Variants in C3orf85 observed in about 807,000 individuals in gnomAD.
C3orf85 encodes chromosome 3 open reading frame 85.
In C3orf85, 1 loss-of-function variant was observed where a neutral mutation model predicts 1.7. The ratio of observed to expected loss-of-function variants is 0.60; its 90% confidence interval spans 0.21 to 2.86. The LOEUF is 2.86. Ranked by LOEUF, C3orf85 falls within the 30% of genes most tolerant of loss-of-function variation. C3orf85 has a pLI of 0.22. For missense variants in C3orf85, 29 were observed against 21.3 expected (o/e 1.36, Z -0.72); for synonymous variants, 17 against 8.0 (o/e 2.13, Z -1.90).
At chr3:109,137,070 CTG>C (rs3054419) in intron 2 of C3orf85, among the ~76,000 whole-genome samples, 174 bp downstream of exon 2, 72 of 149,854 alleles carry the variant, frequency 4.8e-4, no homozygotes, top group East Asian at 1.4e-3. Flanking sequence ...TTAATGTTAA[CTG>C]TGTGTGTGTG....
At chr3:109,145,932 C>T (rs561843303) in intron 2 of C3orf85, among the ~76,000 whole-genome samples, 1 of 152,308 alleles carries the variant, frequency 6.6e-6, no homozygotes, top group South Asian at 2.1e-4. Flanking sequence ...AATACATGCG[C>T]TTTGCTTCCA....
intron 2 of C3orf85, chr3:109,146,301 T>A (rs938031895): frequency 6.6e-6 from 1 of 152,202 alleles, no homozygotes; most frequent in Non-Finnish European, 1.5e-5. Context: ...CTCACTTGCC[T>A]CAACCTAGTC....
intron 2 of C3orf85, among the ~76,000 whole-genome samples, chr3:109,139,681 A>G (rs77287247): frequency 0.017 from 2,522 of 152,260 alleles, 69 homozygotes; most frequent in African/African-American, 0.057. Context: ...TCTCCTGATC[A>G]GATTTGGCAG....
At chr3:109,137,637 G>GTGTGTGTATATATATATATATATA (rs751674362) in intron 2 of C3orf85, among the ~76,000 whole-genome samples, 3 of 79,896 alleles carry the variant, frequency 3.8e-5, no homozygotes, top group Non-Finnish European at 7.9e-5. Context: ...GTGTGTGTGT[G>GTGTGTGTATATATATATATATATA]TATATATATA....
At chr3:109,137,670 A>ATATATAT (rs1706695402) in intron 2 of C3orf85, among the ~76,000 whole-genome samples, 2 of 59,294 alleles carry the variant, frequency 3.4e-5, no homozygotes, top group Non-Finnish European at 4.8e-5. Flanking sequence ...TATATATATA[A>ATATATAT]AATAAGCCTT....
intron 2 of C3orf85, among the ~76,000 whole-genome samples, chr3:109,139,699 T>G (rs1398597042): frequency 6.6e-6 from 1 of 152,204 alleles, no homozygotes; most frequent in Non-Finnish European, 1.5e-5. Flanking sequence ...CAGCTGGAGT[T>G]GACCCATACA....
intron 2 of C3orf85, among the ~76,000 whole-genome samples, chr3:109,141,461 T>C (rs1394884804): frequency 6.6e-6 from 1 of 152,202 alleles, no homozygotes; most frequent in Non-Finnish European, 1.5e-5. Context: ...CATTTTTCTA[T>C]CTTTCCTTTG....
intron 2 of C3orf85, among the ~76,000 whole-genome samples, chr3:109,142,379 C>G (rs1187922917): frequency 6.6e-6 from 1 of 152,118 alleles, no homozygotes; most frequent in Non-Finnish European, 1.5e-5. Flanking sequence ...GGTACTTATG[C>G]TGAGTGCTAA....
chr3:109,137,383 A>G (rs1706689494), intron 2 of C3orf85, among the ~76,000 whole-genome samples: 1 of 151,968 alleles, frequency 6.6e-6, no homozygotes, highest in Admixed American at 6.6e-5. Flanking sequence ...CCGGTAACTC[A>G]GTGGCTTCTA....
Position 109,148,375 on chromosome 3 carries a change from C to T in C3orf85, c.172C>T (p.Leu58=). The change falls in exon 3 of 4, where the codon CTG becomes TTG. Residue 58 remains leucine (L), a synonymous_variant. Coordinates refer to ENST00000622536, the MANE Select transcript of C3orf85 (RefSeq NM_001351622.2). ...CAGTTCAGATGTGTGGGTAAACACA[C>T]TGGCTAAGCAGGTATTTGTATTAGA... is the stretch of plus-strand genomic sequence containing the variant. ...DHSSDVWVNT[L]AKQARETWIA... is the part of the protein sequence containing the mutation. The T allele has an allele frequency of 1.4e-6, 1 of 702,652 alleles. No homozygotes were observed. The highest frequency in any genetic ancestry group is 2.6e-6 in the Non-Finnish European group (1 of 384,718). 43.5% of individuals were successfully genotyped at this position (702,652 alleles called of 1,614,324 possible). A position where few individuals can be genotyped will look rare whatever the true frequency, so the allele number is the denominator to read the frequency against.
chr3:109,144,423 C>A (rs200572117), intron 2 of C3orf85, among the ~76,000 whole-genome samples: 1 of 152,126 alleles, frequency 6.6e-6, no homozygotes, highest in Admixed American at 6.6e-5. Context: ...ATACTAGTTT[C>A]TGTCTCTCTC....
intron 2 of C3orf85, among the ~76,000 whole-genome samples, chr3:109,139,880 C>T (rs1706725098): frequency 6.6e-6 from 1 of 152,148 alleles, no homozygotes; most frequent in African/African-American, 2.4e-5. Flanking sequence ...GTAACCAATG[C>T]CAGTTTGTCT....
intron 2 of C3orf85, among the ~76,000 whole-genome samples, chr3:109,142,556 C>T (rs770157143): frequency 7.2e-5 from 11 of 152,094 alleles, no homozygotes; most frequent in South Asian, 4.1e-4. Context: ...TGGATCTGCC[C>T]AGATATTTTA....
chr3:109,137,031 T>C, intron 2 of C3orf85, 135 bp downstream of exon 2: 1 of 392,302 alleles, frequency 2.5e-6, no homozygotes, highest in Non-Finnish European at 4.5e-6. Flanking sequence ...GAAACCAAAC[T>C]ATTGTAGAAG....
intron 2 of C3orf85, among the ~76,000 whole-genome samples, chr3:109,145,969 T>C (rs537599697): frequency 3.9e-4 from 59 of 152,328 alleles, no homozygotes; most frequent in Admixed American, 1.4e-3. Context: ...TGTTGAAGTG[T>C]AACAAATCTT....
At chr3:109,144,732 T>C (rs1706778241) in intron 2 of C3orf85, among the ~76,000 whole-genome samples, 1 of 152,210 alleles carries the variant, frequency 6.6e-6, no homozygotes, top group Non-Finnish European at 1.5e-5. Flanking sequence ...TTTTAGATAA[T>C]TCCAAGTAAC....
intron 3 of C3orf85, 162 bp downstream of exon 3, chr3:109,148,548 C>T (rs1338892086): frequency 3.5e-6 from 2 of 570,680 alleles, no homozygotes; most frequent in Non-Finnish European, 6.3e-6. Context: ...TGGTTTTTGC[C>T]TGGTAAACTC....
At chr3:109,144,982 G>A (rs1706782280) in intron 2 of C3orf85, among the ~76,000 whole-genome samples, 1 of 152,140 alleles carries the variant, frequency 6.6e-6, no homozygotes, top group African/African-American at 2.4e-5. Context: ...TGACCCATTA[G>A]TGCATTTCAT....
intron 2 of C3orf85, among the ~76,000 whole-genome samples, chr3:109,145,445 A>G (rs1387302820): frequency 6.6e-6 from 1 of 152,136 alleles, no homozygotes; most frequent in Non-Finnish European, 1.5e-5. Context: ...AGGAAAAGAA[A>G]GTAGAATAGT....
Sources: allele counts gnomAD v4.1 joint callset (sites outside exome capture counted in the v4.1 genomes callset), GRCh38; gene constraint gnomAD v4.1.1; transcripts MANE v1.5; gene names NCBI Gene and HGNC (gene_info 2026-07-23, HGNC 2026-07-21).